Variants in ARHGEF6 observed in about 807,000 individuals in gnomAD.
ARHGEF6 encodes the protein Rac/Cdc42 guanine nucleotide exchange factor 6, also known as rho guanine nucleotide exchange factor 6.
In ARHGEF6, 9 loss-of-function variants were observed where a neutral mutation model predicts 70.3. The ratio of observed to expected loss-of-function variants is 0.13; its 90% CI spans 0.08 to 0.22. The LOEUF (loss-of-function observed/expected upper bound fraction) is 0.22. Ranked by LOEUF, ARHGEF6 falls within the 10% of genes least tolerant of loss-of-function variation. The pLI, the probability that ARHGEF6 is intolerant of heterozygous loss-of-function variation, is 1.00. For synonymous variants in ARHGEF6, 201 were observed against 207.8 expected (o/e 0.97, Z 0.28); for missense variants, 470 against 563.0 (o/e 0.83, Z 1.67).
chrX:136,777,719 G>A (rs777024888), intron 2 of ARHGEF6, among the ~76,000 whole-genome samples: 1 of 106,899 alleles, frequency 9.4e-6, no homozygotes, highest in South Asian at 4.0e-4. Flanking sequence ...GCCAAAGAGT[G>A]GATAAAGAAA....
At chrX:136,668,230 C>T in intron 21 of ARHGEF6, 61 bp from the exon 22 acceptor site, 3 of 1,169,491 alleles carry the variant, frequency 2.6e-6, no homozygotes, top group Middle Eastern at 4.8e-4. Flanking sequence ...AGGGCTCCTC[C>T]TGCTCATCCT....
At chrX:136,710,665 T>C (rs994128378) in intron 7 of ARHGEF6, among the ~76,000 whole-genome samples, 4 of 110,261 alleles carry the variant, frequency 3.6e-5, no homozygotes, top group Admixed American at 9.8e-5. Flanking sequence ...TCAAATCACT[T>C]TGGGGCCGAC....
At chrX:136,777,423 A>T (rs778981251) in intron 2 of ARHGEF6, among the ~76,000 whole-genome samples, 2 of 51,989 alleles carry the variant, frequency 3.8e-5, no homozygotes, top group East Asian at 4.2e-4. Context: ...GGCCACAATT[A>T]AAAAAAAAAC....
chrX:136,727,319 CTTTCTTTTTCTTTCTTTCTTTCTT>C (rs1487495272), intron 6 of ARHGEF6, among the ~76,000 whole-genome samples: 9 of 55,522 alleles, frequency 1.6e-4, no homozygotes, highest in African/African-American at 1.1e-3. Context: ...TTCTTTCTTT[CTTTCTTTTTCTTTCTTTCTTTCTT>C]TCTTTCTTTC....
At chrX:136,762,271 T>G (rs1043529412) in intron 2 of ARHGEF6, among the ~76,000 whole-genome samples, 1 of 112,521 alleles carries the variant, frequency 8.9e-6, no homozygotes, top group Admixed American at 9.4e-5. Context: ...TAAAAATCAA[T>G]GACTCACCTC....
chrX:136,771,596 C>T (rs757424186), intron 2 of ARHGEF6, among the ~76,000 whole-genome samples: 104 of 112,018 alleles, frequency 9.3e-4, no homozygotes, highest in African/African-American at 3.3e-3. Flanking sequence ...AGATCAAAGA[C>T]CTTAATGTAA....
Position 136,713,261 on chromosome X carries a change from AAAT to A in ARHGEF6, c.827+12_827+14del. 2 of 1,145,828 alleles carry A rather than the reference AAAT, an allele frequency of 1.7e-6. No individual in the cohort carries two copies. The highest frequency in any genetic ancestry group is 2.2e-5 in the Admixed American group (1 of 45,980). 94.4% of individuals were successfully genotyped at this position (1,145,828 alleles called of 1,213,427 possible). On this transcript the variant is annotated intron_variant, in intron 7 of 21. Transcript: ENST00000250617. ...GTTGCTTTACTTAGTGAGGGATTTA[AAAT>A]AAACATCTTACTTGTTATTGGACTG...
At chrX:136,674,734 C>A (rs2076260452) in intron 19 of ARHGEF6, among the ~76,000 whole-genome samples, 1 of 111,734 alleles carries the variant, frequency 8.9e-6, no homozygotes, top group African/African-American at 3.3e-5. Flanking sequence ...CAAAGGAGAA[C>A]AACTTTAAAA....
intron 17 of ARHGEF6, 65 bp from the exon 18 acceptor site, chrX:136,676,782 A>G (rs1398386487): frequency 1.3e-6 from 1 of 773,435 alleles, no homozygotes; most frequent in Admixed American, 2.3e-5. Context: ...AAAAGCATGA[A>G]TGAAACTAAG....
Position 136,763,930 on chromosome X carries a change from G to A in ARHGEF6, c.249+15484C>T, listed in dbSNP as rs183132719. ...CACAAAAAAAAACAAAGCAAGGGTG[G>A]ACGAGCAGTATAAAGGTAGCTTGGC... On this transcript the variant is annotated intron_variant, in intron 2 of 21. Coordinates refer to ENST00000250617, the MANE Select transcript of ARHGEF6 (RefSeq NM_004840.3). 1.7e-3 allele frequency among the ~76,000 whole-genome samples: 185 copies of A among 111,908 alleles called. 1 individual carries two copies. The highest frequency in any genetic ancestry group is 0.014 in the Middle Eastern group (3 of 217).
chrX:136,707,075 G>T (rs1232810661), intron 8 of ARHGEF6, 45 bp from the exon 9 acceptor site: 2 of 1,193,421 alleles, frequency 1.7e-6, no homozygotes, highest in African/African-American at 1.8e-5. Flanking sequence ...ATAGGAAACA[G>T]GAGGCAAAGG....
At chrX:136,733,431 A>G (rs954832164) in intron 5 of ARHGEF6, among the ~76,000 whole-genome samples, 1 of 111,376 alleles carries the variant, frequency 9.0e-6, no homozygotes, top group Admixed American at 9.5e-5. Context: ...CAATTAGCCA[A>G]TCACCTAGAG....
chrX:136,718,416 G>A (rs17284151), intron 6 of ARHGEF6, among the ~76,000 whole-genome samples: 1,629 of 110,918 alleles, frequency 0.015, 15 homozygotes, highest in Middle Eastern at 0.051. Flanking sequence ...TGCAGTGGAA[G>A]CGTTCTCCCT....
rs1181163432 is a variant in ARHGEF6, at chrX:136,668,152, C to T, written c.2208G>A (p.Lys736=). 17 of 1,211,404 alleles carry T rather than the reference C, an allele frequency of 1.4e-5. No individual in the cohort carries two copies. The highest frequency in any genetic ancestry group is 6.5e-5 in the Admixed American group (3 of 45,999). The change falls in exon 22 of 22, where the codon AAG becomes AAA. Residue 736 remains lysine (K), a synonymous_variant. Coordinates refer to ENST00000250617, the MANE Select transcript of ARHGEF6 (RefSeq NM_004840.3). ...ATTTCAGTTCTTCTTCCAGGCATTG[C>T]TTCATTCTTTTATTTTCCTATGATG... ...RELKQENKRM[K]QCLEEELKSR...
chrX:136,779,398 C>T lies in ARHGEF6; in HGVS notation c.249+16G>A, dbSNP rs1337378994. 3.3e-6 allele frequency: 4 copies of T among 1,198,184 alleles called. No homozygotes were observed. The South Asian group carries it at 7.1e-5, about 21-fold the overall frequency. ...AAAAACGATGACAACAGGGAAGGCA[C>T]CCGGGGTAGGCTTACTTCCACTTGG... On this transcript the variant is annotated intron_variant, in intron 2 of 21. Coordinates refer to ENST00000250617, the MANE Select transcript of ARHGEF6 (RefSeq NM_004840.3).
chrX:136,694,761 G>A (rs1426581610), intron 9 of ARHGEF6, among the ~76,000 whole-genome samples: 1 of 111,824 alleles, frequency 8.9e-6, no homozygotes, highest in Non-Finnish European at 1.9e-5. Flanking sequence ...AAGCTAGCAG[G>A]GGAGAGGGAG....
intron 8 of ARHGEF6, among the ~76,000 whole-genome samples, chrX:136,708,212 G>A (rs1049002767): frequency 3.6e-5 from 4 of 110,338 alleles, no homozygotes; most frequent in African/African-American, 9.9e-5. Context: ...GGGGCCTGTC[G>A]GGGAGTGGGG....
At chrX:136,744,239 C>G (rs912960077) in intron 4 of ARHGEF6, among the ~76,000 whole-genome samples, 9 of 112,129 alleles carry the variant, frequency 8.0e-5, no homozygotes, top group Non-Finnish European at 1.7e-4. Context: ...CTAAGGATAT[C>G]TTAATTTGGC....
chrX:136,708,583 G>A, intron 8 of ARHGEF6, 92 bp downstream of exon 8: 1 of 732,706 alleles, frequency 1.4e-6, no homozygotes, highest in South Asian at 2.2e-5. Flanking sequence ...ACTTAACTAT[G>A]AAGTGTCCTT....
Sources: allele counts gnomAD v4.1 joint callset (sites outside exome capture counted in the v4.1 genomes callset), GRCh38; gene constraint gnomAD v4.1.1; transcripts MANE v1.5; gene names NCBI Gene and HGNC (gene_info 2026-07-23, HGNC 2026-07-21).